Variants in DDX11 observed in about 807,000 individuals in gnomAD.
DDX11 encodes the protein ATP-dependent DNA helicase DDX11.
Under a neutral mutation model 125.2 loss-of-function variants are expected in DDX11, and 72 were observed. The observed-to-expected ratio is 0.58, with a 90% confidence interval of 0.48 to 0.70. The LOEUF (loss-of-function observed/expected upper bound fraction) is 0.70. Ranked by LOEUF, DDX11 falls within the 30% of genes least tolerant of loss-of-function variation. The pLI, the probability that DDX11 is intolerant of heterozygous loss-of-function variation, is 0.00. For synonymous variants in DDX11, 347 were observed against 452.6 expected, an observed-to-expected ratio of 0.77 and a Z score of 2.96; for missense variants, 883 against 1,165.0, an observed-to-expected ratio of 0.76 and a Z score of 3.52.
In DDX11 at chr12:31,087,979, C is replaced by T. The variant is rs1263057513; in HGVS notation, c.680C>T (p.Thr227Ile). ...DEDDLEEEHI[T>I]KIYYCSRTHS... is the part of the protein sequence containing the mutation. ...GATGACCTGGAGGAAGAACACATAA[C>T]TAAGGTAACACAAGTGTCCTCAGCT... The change falls in exon 6 of 27, where the codon ACT (threonine) becomes ATT (isoleucine). Residue 227 changes from threonine to isoleucine, a missense_variant. By Grantham distance (89) the Thr-to-Ile change is moderately conservative. Around this residue, in one of 5 missense-constraint regions of DDX11, gnomAD observed 283 missense variants for 359.6 expected, o/e 0.79. Transcript: ENST00000542838. The T allele has an allele frequency of 1.9e-6, 3 of 1,607,798 alleles. No homozygotes were observed.
intron 1 of DDX11, among the ~76,000 whole-genome samples, chr12:31,077,675 G>A (rs1325442099): frequency 5.3e-5 from 8 of 151,890 alleles, no homozygotes; most frequent in African/African-American, 7.2e-5. Context: ...GTGAAACCCC[G>A]TCTCTACCAA....
rs374974515 is a variant in DDX11, at chr12:31,103,914, G to T, written c.*78G>T. 6.8e-6 allele frequency: 11 copies of T among 1,613,818 alleles called. No individual in the cohort carries two copies. Among genetic ancestry groups the T allele is most frequent in the Non-Finnish European group, 8.5e-6 (10 of 1,179,830 alleles). ...GGAGACAGTGTTTGTCGTGGGCGTGGTCTGCGGGGATCCTGTTACAAAGGT... is the reference window on the plus strand; with the variant it reads ...GGAGACAGTGTTTGTCGTGGGCGTGTTCTGCGGGGATCCTGTTACAAAGGT... On this transcript the variant is annotated 3_prime_UTR_variant, in exon 27 of 27. Transcript: ENST00000542838.
At position 31,104,250 on chromosome 12, in the gene DDX11, G is replaced by A; in HGVS notation, c.*414G>A. The A allele has an allele frequency of 1.4e-6, 1 of 691,570 alleles. No individual in the cohort carries two copies. Among genetic ancestry groups the A allele is most frequent in the Admixed American group, 3.0e-5 (1 of 33,134 alleles). The allele number at this position is 691,570 out of a possible 1,614,324, so 42.8% of individuals were successfully genotyped here. A position where few individuals can be genotyped will look rare whatever the true frequency, so the allele number is the denominator to read the frequency against. On this transcript the variant is annotated 3_prime_UTR_variant, in exon 27 of 27. Transcript: ENST00000542838. ...ATCTGCCTCTGCCCTTTCTAGCCAA[G>A]GTTATAGCTGCCCTGGACTGCTCAC...
At chr12:31,078,667 T>C (rs1422894739) in intron 2 of DDX11, 130 bp downstream of exon 2, 1 of 1,404,858 alleles carries the variant, frequency 7.1e-7, no homozygotes, top group Admixed American at 1.9e-5. Context: ...ATCTGAGTAA[T>C]AGTCACTTCC....
chr12:31,074,360 A>G (rs1010630542), intron 1 of DDX11: 5 of 152,218 alleles, frequency 3.3e-5, no homozygotes, highest in African/African-American at 1.2e-4. Flanking sequence ...CCTGTCTCTT[A>G]CGGAAACTGA....
intron 9 of DDX11, 43 bp from the exon 10 acceptor site, chr12:31,091,676 G>A (rs1451999984): frequency 7.0e-6 from 11 of 1,570,568 alleles, no homozygotes; most frequent in Admixed American, 1.9e-5. Flanking sequence ...GGCTCCTGCA[G>A]GGGAGCCCCG....
chr12:31,100,325 T>C (rs1592800240), intron 18 of DDX11: 1 of 278,008 alleles, frequency 3.6e-6, no homozygotes, highest in African/African-American at 2.2e-5. Flanking sequence ...ATTCAGTAGT[T>C]TGGGCTGGGG....
At position 31,078,373 on chromosome 12, in the gene DDX11, G is replaced by T; in HGVS notation, c.-4-17G>T. On this transcript the variant is annotated splice_polypyrimidine_tract_variant and intron_variant, in intron 1 of 26. Transcript: ENST00000542838. ...GACCATGAGAGAGCTCCCTAATGTT[G>T]TATTTATTTTTCCTAGGTCCATGGC... is the stretch of plus-strand genomic sequence containing the variant. The T allele has an allele frequency of 1.0e-5, 16 of 1,605,810 alleles. No homozygotes were observed. Among genetic ancestry groups the T allele is most frequent in the Non-Finnish European group, 1.4e-5 (16 of 1,175,392 alleles).
At chr12:31,084,084 G>C (rs1169697376) in intron 3 of DDX11, 23 bp downstream of exon 3, 1 of 1,613,232 alleles carries the variant, frequency 6.2e-7, no homozygotes, top group Admixed American at 1.7e-5. Context: ...GTATCCGGAA[G>C]TGGGAGTACT....
rs1251428248 is a variant in DDX11 at position 31,100,089 on chromosome 12, G to A, written c.1876-546G>A. Among the ~76,000 whole-genome samples the A allele has an allele frequency of 3.9e-5, 6 of 152,116 alleles. No individual in the cohort carries two copies. In the East Asian group the frequency reaches 9.6e-4, roughly 24 times the overall value. ...GCATGATTACAGGGAAAGGTCCGGGGGCACATGCTGTTTGGTATTTGTGGG... is the reference window on the plus strand; with the variant it reads ...GCATGATTACAGGGAAAGGTCCGGGAGCACATGCTGTTTGGTATTTGTGGG... On this transcript the variant is annotated intron_variant, in intron 18 of 26. Coordinates refer to ENST00000542838, the MANE Select transcript of DDX11 (RefSeq NM_030653.4).
At chr12:31,086,900 G>T (rs1279752270) in intron 5 of DDX11, among the ~76,000 whole-genome samples, 1 of 136,116 alleles carries the variant, frequency 7.3e-6, no homozygotes, top group African/African-American at 3.0e-5. Flanking sequence ...AGATAGAGCC[G>T]CCTGCTCTTT....
At position 31,102,924 on chromosome 12, in the gene DDX11, TC is replaced by T. The variant is rs1373497899; in HGVS notation, c.2373-7del. ...GACGTCCACCTGCTGGGCTCTTGTC[TC>T]CCCCGCCCAGGTGTGTGGTGATGGT... On this transcript the variant is annotated splice_polypyrimidine_tract_variant and intron_variant, in intron 23 of 26. Coordinates refer to ENST00000542838, the MANE Select transcript of DDX11 (RefSeq NM_030653.4). The T allele has an allele frequency of 6.2e-6, 10 of 1,613,788 alleles. No individual in the cohort carries two copies. In the South Asian group the frequency reaches 6.6e-5, roughly 11 times the overall value.
At chr12:31,089,563 C>T in intron 8 of DDX11, 73 bp downstream of exon 8, 2 of 1,474,908 alleles carry the variant, frequency 1.4e-6, no homozygotes, top group Non-Finnish European at 1.9e-6. Context: ...TGACTGAAGA[C>T]CATTAAGTGT....
chr12:31,088,118 C>T, intron 6 of DDX11, 135 bp downstream of exon 6: 1 of 1,382,684 alleles, frequency 7.2e-7, no homozygotes. Context: ...CACTTGGACT[C>T]CGTTGCTTCT....
At chr12:31,100,778 C>A (rs750433915) in intron 19 of DDX11, 71 bp downstream of exon 19, 1 of 1,517,488 alleles carries the variant, frequency 6.6e-7, no homozygotes, top group Non-Finnish European at 9.0e-7. Context: ...TGGGTAATAC[C>A]TCATACTGCG....
chr12:31,079,163 G>T (rs565471490), intron 2 of DDX11, among the ~76,000 whole-genome samples: 1 of 152,130 alleles, frequency 6.6e-6, no homozygotes, highest in East Asian at 1.9e-4. Flanking sequence ...TTATGATTAT[G>T]TTTTGAACAT....
intron 1 of DDX11, among the ~76,000 whole-genome samples, chr12:31,076,342 C>T (rs1295799540): frequency 6.6e-6 from 1 of 152,130 alleles, no homozygotes; most frequent in Non-Finnish European, 1.5e-5. Context: ...TTGCTGGTGA[C>T]GTTCCTGGAG....
chr12:31,084,397 G>A (rs1481304244), intron 3 of DDX11, among the ~76,000 whole-genome samples, 186 bp from the exon 4 acceptor site: 1 of 152,240 alleles, frequency 6.6e-6, no homozygotes, highest in Non-Finnish European at 1.5e-5. Context: ...GCCTTCCGCA[G>A]TGAGCAGCGA....
Position 31,078,363 on chromosome 12 carries a change from C to G in DDX11, c.-4-27C>G, listed in dbSNP as rs562931663. On this transcript the variant is annotated intron_variant, in intron 1 of 26. Transcript: ENST00000542838. The stretch of plus-strand genomic sequence containing the variant: ...CTTCTTCCTGGACCATGAGAGAGCT[C>G]CCTAATGTTGTATTTATTTTTCCTA... 112 of 1,599,952 alleles carry G rather than the reference C, an allele frequency of 7.0e-5. 1 individual carries two copies. In the South Asian group the frequency reaches 1.2e-3, roughly 17 times the overall value.
Sources: gnomAD v4.1 joint callset for allele counts (sites outside exome capture counted in the v4.1 genomes callset) on GRCh38, gnomAD v4.1.1 for gene constraint, gnomAD v4.1.1 regional missense constraint, MANE v1.5 for transcripts, NCBI Gene and HGNC (gene_info 2026-07-23, HGNC 2026-07-21) for gene names.